Variants in LIPK observed in about 807,000 individuals in gnomAD.
LIPK encodes the protein lipase family member K.
A neutral mutation model predicts 48.6 loss-of-function variants in LIPK; 32 were observed. The ratio of observed to expected loss-of-function variants is 0.66; its 90% confidence interval spans 0.50 to 0.88. The LOEUF is 0.88. Ranked by LOEUF, LIPK falls within the 40% of genes least tolerant of loss-of-function variation. The pLI, the probability that LIPK is intolerant of heterozygous loss-of-function variation, is 0.00. For synonymous variants in LIPK, 164 were observed against 157.4 expected (o/e 1.04, Z -0.32); for missense variants, 507 against 478.5 (o/e 1.06, Z -0.56).
chr10:88,733,369 CCATGGTGGTGATTG>C (rs1467294230), intron 6 of LIPK, among the ~76,000 whole-genome samples: 1 of 152,128 alleles, frequency 6.6e-6, no homozygotes, highest in African/African-American at 2.4e-5. Context: ...GTAATAACTC[CCATGGTGGTGATTG>C]CACGGTTCAG....
At chr10:88,749,322 CA>C (rs1564572660) in intron 9 of LIPK, among the ~76,000 whole-genome samples, 2 of 152,112 alleles carry the variant, frequency 1.3e-5, no homozygotes, top group African/African-American at 4.8e-5. Context: ...CAATCTTAAG[CA>C]AAAAGAGCAA....
rs1364468299 is a variant in LIPK at position 88,752,622 on chromosome 10, C to T, written c.1066C>T (p.Pro356Ser). 2.5e-6 allele frequency: 4 copies of T among 1,571,844 alleles called. No individual in the cohort carries two copies. Among genetic ancestry groups the T allele is most frequent in the Admixed American group, 3.7e-5 (2 of 53,878 alleles). Residue 356 changes from proline to serine, a missense_variant, in exon 10 of 10, where the codon CCT becomes TCT. Physicochemically the swap from Pro to Ser is moderately conservative, Grantham distance 74. Coordinates refer to ENST00000404190, the MANE Select transcript of LIPK (RefSeq NM_001080518.2). ...TCCCAAGGATGTTGAAAATTTACTT[C>T]CTCAAATTGCTAACCTTATTTATTA... ...ADPKDVENLL[P>S]QIANLIYYKL...
At chr10:88,721,505 A>AT (rs1842224945) in intron 1 of LIPK, among the ~76,000 whole-genome samples, 1 of 152,202 alleles carries the variant, frequency 6.6e-6, no homozygotes, top group African/African-American at 2.4e-5. Flanking sequence ...CCAGATCCAT[A>AT]TAACACAGGG....
chr10:88,736,794 A>G (rs1228672353), intron 6 of LIPK, among the ~76,000 whole-genome samples: 1 of 152,194 alleles, frequency 6.6e-6, no homozygotes, highest in Non-Finnish European at 1.5e-5. Context: ...CGGAGTAAAG[A>G]TCTTAAAGTG....
chr10:88,740,647 C>T (rs544496355), intron 8 of LIPK, among the ~76,000 whole-genome samples: 137 of 152,124 alleles, frequency 9.0e-4, no homozygotes, highest in Middle Eastern at 3.4e-3. Context: ...TGTGTGCATG[C>T]GCACACACGT....
chr10:88,747,342 G>GATATATTGCA (rs1181013437), intron 9 of LIPK, among the ~76,000 whole-genome samples: 1 of 152,078 alleles, frequency 6.6e-6, no homozygotes. Flanking sequence ...CAATATCCCT[G>GATATATTGCA]ATAAACATAT....
intron 6 of LIPK, among the ~76,000 whole-genome samples, chr10:88,732,935 T>G (rs1466434435): frequency 6.6e-6 from 1 of 152,198 alleles, no homozygotes; most frequent in Non-Finnish European, 1.5e-5. Flanking sequence ...TTGAATGTTA[T>G]TTCTATGATT....
At chr10:88,749,702 GGCAAAAATTTCATGATAAAGAT>G (rs1426815238) in intron 9 of LIPK, among the ~76,000 whole-genome samples, 57 of 90,208 alleles carry the variant, frequency 6.3e-4, no homozygotes, top group Middle Eastern at 5.1e-3. Flanking sequence ...CATAGGACCT[GGCAAAAATTTCATGATAAAGAT>G]GCAAAAATTT....
intron 1 of LIPK, among the ~76,000 whole-genome samples, chr10:88,709,765 G>C (rs1841995035): frequency 2.6e-5 from 4 of 151,846 alleles, no homozygotes; most frequent in Admixed American, 2.6e-4. Context: ...TTATTCTCTT[G>C]TTAGGGAGTC....
intron 1 of LIPK, among the ~76,000 whole-genome samples, chr10:88,718,633 A>G (rs571250099): frequency 1.4e-4 from 22 of 152,144 alleles, no homozygotes; most frequent in African/African-American, 4.1e-4. Flanking sequence ...GTAATCTTCC[A>G]ATGAGTTACA....
Position 88,731,129 on chromosome 10 carries a change from T to C in LIPK, c.370T>C (p.Ser124Pro). 3.7e-6 allele frequency: 6 copies of C among 1,602,062 alleles called. No individual in the cohort carries two copies. The highest frequency in any genetic ancestry group is 5.1e-6 in the Non-Finnish European group (6 of 1,175,466). ...GGGGAACAGCCGAGGAAACACTTGG[T>C]CCAGAAAACACCTTAAATTGTCACC... ...WLGNSRGNTW[S>P]RKHLKLSPKS... Residue 124 changes from serine to proline, a missense_variant, in exon 4 of 10, where the codon TCC (serine) becomes CCC (proline). Transcript: ENST00000404190.
chr10:88,735,471 G>C (rs1842553106), intron 6 of LIPK, among the ~76,000 whole-genome samples: 1 of 152,178 alleles, frequency 6.6e-6, no homozygotes, highest in Non-Finnish European at 1.5e-5. Flanking sequence ...TTTGAACCCA[G>C]ATCTGACCAG....
At chr10:88,738,339 G>A (rs1411517880) in intron 7 of LIPK, among the ~76,000 whole-genome samples, 1 of 152,158 alleles carries the variant, frequency 6.6e-6, no homozygotes, top group African/African-American at 2.4e-5. Context: ...CAAGGAGTTG[G>A]GGAAGGGAGG....
chr10:88,733,303 G>A (rs1476826590), intron 6 of LIPK, among the ~76,000 whole-genome samples: 2 of 152,176 alleles, frequency 1.3e-5, no homozygotes, highest in Non-Finnish European at 2.9e-5. Flanking sequence ...CAGGTAAATT[G>A]CATTGCATGG....
chr10:88,750,107 T>C (rs1183860911), intron 9 of LIPK, among the ~76,000 whole-genome samples: 1 of 152,124 alleles, frequency 6.6e-6, no homozygotes, highest in South Asian at 2.1e-4. Context: ...CATGATGAGA[T>C]AGCATCTCAC....
intron 4 of LIPK, among the ~76,000 whole-genome samples, chr10:88,731,927 C>T (rs573965687): frequency 1.1e-4 from 17 of 152,290 alleles, no homozygotes; most frequent in South Asian, 1.0e-3. Flanking sequence ...TAAGTGAATA[C>T]GACTAGCCTT....
At chr10:88,707,692 C>T (rs1841961047) in intron 1 of LIPK, among the ~76,000 whole-genome samples, 1 of 152,106 alleles carries the variant, frequency 6.6e-6, no homozygotes, top group African/African-American at 2.4e-5. Flanking sequence ...CTTCCTGATT[C>T]AAATGTGCTA....
chr10:88,752,439 C>CAACA (rs1842878824), intron 9 of LIPK, 78 bp from the exon 10 acceptor site: 2 of 1,043,394 alleles, frequency 1.9e-6, no homozygotes, highest in Non-Finnish European at 2.8e-6. Context: ...AGAACTTGCT[C>CAACA]AACAGCTGAC....
chr10:88,737,854 G>A (rs1204027786), intron 7 of LIPK, 73 bp downstream of exon 7: 1 of 1,483,900 alleles, frequency 6.7e-7, no homozygotes, highest in African/African-American at 1.4e-5. Flanking sequence ...ATCCTGGATT[G>A]TATGGCAACT....
Sources: gnomAD v4.1 joint callset for allele counts (sites outside exome capture counted in the v4.1 genomes callset) on GRCh38, gnomAD v4.1.1 for gene constraint, MANE v1.5 for transcripts, NCBI Gene and HGNC (gene_info 2026-07-23, HGNC 2026-07-21) for gene names.